Variants in SMOC2 observed in about 807,000 individuals in gnomAD.
SMOC2 encodes the protein SPARC-related modular calcium-binding protein 2.
Under a neutral mutation model 61.4 loss-of-function variants are expected in SMOC2, and 39 were observed. The observed-to-expected ratio is 0.64, with a 90% CI of 0.49 to 0.83. The LOEUF (loss-of-function observed/expected upper bound fraction) is 0.83. Among genes scored for constraint, SMOC2 ranks in the 40% least tolerant of loss-of-function variants. The pLI is 0.00. For missense variants in SMOC2, 556 were observed against 592.9 expected (o/e 0.94, Z 0.65); for synonymous variants, 247 against 239.9 (o/e 1.03, Z -0.27).
Position 168,526,450 on chromosome 6 carries a change from C to T in SMOC2, c.361C>T (p.Gln121Ter). 6.2e-7 allele frequency: 1 copy of T among 1,613,762 alleles called. No homozygotes were observed. Among genetic ancestry groups the T allele is most frequent in the African/African-American group, 1.3e-5 (1 of 75,032 alleles). The change falls in exon 3 of 13, where the codon CAG becomes TAG. Residue 121 changes from glutamine to a stop codon, truncating the protein, a stop_gained and splice_region_variant. Transcript: ENST00000356284. LOFTEE classifies it high-confidence loss of function. Reference protein sequence around the residue: ...PECNDDGTYSQVQCHSYTGYC... With the variant: ...PECNDDGTYS Reference sequence around the variant, plus strand: ...GTGCAATGACGACGGCACCTACAGTCAGGTTACCGGCCTTGCTTGGGAGGT... The same window carrying T: ...GTGCAATGACGACGGCACCTACAGTTAGGTTACCGGCCTTGCTTGGGAGGT...
chr6:168,659,130 TG>T (rs879829502), intron 11 of SMOC2, among the ~76,000 whole-genome samples: 1 of 152,060 alleles, frequency 6.6e-6, no homozygotes, highest in Non-Finnish European at 1.5e-5. Flanking sequence ...CGCTCTGGGC[TG>T]GATCAAGCTC....
chr6:168,589,320 G>A (rs1785119050), intron 7 of SMOC2, among the ~76,000 whole-genome samples: 1 of 152,208 alleles, frequency 6.6e-6, no homozygotes, highest in Admixed American at 6.5e-5. Flanking sequence ...GTATGTCTGG[G>A]GCAGCATAGT....
At chr6:168,592,727 C>A (rs1220667395) in intron 7 of SMOC2, among the ~76,000 whole-genome samples, 1 of 32,202 alleles carries the variant, frequency 3.1e-5, no homozygotes. Flanking sequence ...TTCCTGAGGC[C>A]TCACGGGCAT....
intron 1 of SMOC2, among the ~76,000 whole-genome samples, chr6:168,442,222 C>T (rs1293214412): frequency 2.0e-5 from 3 of 152,282 alleles, no homozygotes; most frequent in Non-Finnish European, 4.4e-5. Context: ...GGTTCTTCCT[C>T]GTGGCAGGGA....
At chr6:168,616,037 G>A (rs1358044742) in intron 9 of SMOC2, among the ~76,000 whole-genome samples, 2 of 152,204 alleles carry the variant, frequency 1.3e-5, no homozygotes, top group Non-Finnish European at 2.9e-5. Context: ...AAGGACCTCG[G>A]TGTTTACCTT....
intron 8 of SMOC2, among the ~76,000 whole-genome samples, chr6:168,602,230 T>G (rs1279276502): frequency 6.6e-6 from 1 of 152,124 alleles, no homozygotes; most frequent in African/African-American, 2.4e-5. Context: ...AGTCTCAAAA[T>G]GTACTTCTCA....
chr6:168,627,601 C>T (rs1034479082), intron 9 of SMOC2, among the ~76,000 whole-genome samples: 1 of 152,160 alleles, frequency 6.6e-6, no homozygotes, highest in African/African-American at 2.4e-5. Flanking sequence ...AACTTCCATT[C>T]AATGGAGTGA....
intron 10 of SMOC2, among the ~76,000 whole-genome samples, chr6:168,652,377 G>A (rs182219885): frequency 2.4e-4 from 36 of 152,144 alleles, no homozygotes; most frequent in Admixed American, 1.5e-3. Flanking sequence ...CATCCCATGC[G>A]CACACACACA....
chr6:168,546,532 G>T (rs548858249), intron 5 of SMOC2, among the ~76,000 whole-genome samples: 1 of 152,074 alleles, frequency 6.6e-6, no homozygotes, highest in Non-Finnish European at 1.5e-5. Flanking sequence ...TCCATTCTCC[G>T]ATCACTTTCG....
Position 168,506,529 on chromosome 6 carries a change from G to C in SMOC2, c.85-3386G>C, listed in dbSNP as rs1470595915. ...GTTTTTGTTTTAATCTTTTTCTTCT[G>C]GCCCAAACCCAGTAATTTATTAAGA... is the stretch of plus-strand genomic sequence containing the variant. On this transcript the variant is annotated intron_variant, in intron 1 of 12. Transcript: ENST00000356284. 2.0e-5 allele frequency among the ~76,000 whole-genome samples: 3 copies of C among 152,052 alleles called. No individual in the cohort carries two copies. The South Asian group carries it at 6.3e-4, about 32-fold the overall frequency.
At chr6:168,607,117 T>C (rs1785715583) in intron 8 of SMOC2, among the ~76,000 whole-genome samples, 2 of 151,950 alleles carry the variant, frequency 1.3e-5, no homozygotes, top group Admixed American at 1.3e-4. Flanking sequence ...TTCATGCTGG[T>C]GAGAAGCCCC....
At chr6:168,643,653 A>G (rs1226553433) in intron 9 of SMOC2, among the ~76,000 whole-genome samples, 1 of 152,184 alleles carries the variant, frequency 6.6e-6, no homozygotes. Context: ...GCCGTGGGGC[A>G]GCGGGGAGAG....
chr6:168,620,473 T>C (rs1399811148), intron 9 of SMOC2, among the ~76,000 whole-genome samples: 1 of 152,172 alleles, frequency 6.6e-6, no homozygotes, highest in African/African-American at 2.4e-5. Flanking sequence ...GGATGAATGC[T>C]CTTGAACAAG....
At chr6:168,512,486 T>G (rs1157431142) in intron 2 of SMOC2, among the ~76,000 whole-genome samples, 1 of 152,214 alleles carries the variant, frequency 6.6e-6, no homozygotes, top group South Asian at 2.1e-4. Flanking sequence ...ATTCACTGAT[T>G]AACCTCAATA....
intron 2 of SMOC2, among the ~76,000 whole-genome samples, chr6:168,514,688 A>G (rs1783090147): frequency 6.7e-6 from 1 of 148,186 alleles, no homozygotes. Context: ...TAGCTTGTGG[A>G]AACAAGCGCT....
At chr6:168,567,465 TA>T (rs1784570295) in intron 7 of SMOC2, among the ~76,000 whole-genome samples, 1 of 152,226 alleles carries the variant, frequency 6.6e-6, no homozygotes, top group African/African-American at 2.4e-5. Context: ...TTTAATGCTT[TA>T]CCTTTGTGTT....
At chr6:168,516,761 G>A (rs2245622) in intron 2 of SMOC2, among the ~76,000 whole-genome samples, 106,942 of 152,024 alleles carry the variant, frequency 0.7, 39,132 homozygotes, top group Non-Finnish European at 0.8. Flanking sequence ...AGCCTGGCCA[G>A]CATAGTGAAA....
Position 168,510,045 on chromosome 6 carries a change from A to G in SMOC2, c.215A>G (p.Lys72Arg). The change falls in exon 2 of 13, where the codon AAA (lysine) becomes AGA (arginine). Residue 72 changes from lysine to arginine, a missense_variant. By Grantham distance (26) the Lys-to-Arg change is conservative. Coordinates refer to ENST00000356284, the MANE Select transcript of SMOC2 (RefSeq NM_001166412.2). ...SRCEFQRAKC[K>R]DPQLEIAYRG... The stretch of plus-strand genomic sequence containing the variant: ...TGTGAATTTCAACGTGCCAAGTGCA[A>G]AGATCCCCAGCTAGAGATTGCATAT... The G allele has an allele frequency of 1.2e-6, 2 of 1,614,218 alleles. No individual in the cohort carries two copies. Among genetic ancestry groups the G allele is most frequent in the Non-Finnish European group, 1.7e-6 (2 of 1,180,042 alleles).
At chr6:168,495,811 C>T (rs1430758335) in intron 1 of SMOC2, among the ~76,000 whole-genome samples, 2 of 151,988 alleles carry the variant, frequency 1.3e-5, no homozygotes, top group Non-Finnish European at 2.9e-5. Flanking sequence ...GCTCCACCCA[C>T]CTGTGCAGTT....
Sources: allele counts gnomAD v4.1 joint callset (sites outside exome capture counted in the v4.1 genomes callset), GRCh38; gene constraint gnomAD v4.1.1; transcripts MANE v1.5; gene names NCBI Gene and HGNC (gene_info 2026-07-23, HGNC 2026-07-21).